The following TSPEAR variants were observed in gnomAD, a reference collection of about 807,000 sequenced individuals.
TSPEAR encodes thrombospondin type laminin G domain and EAR repeats, also known as thrombospondin-type laminin G domain and EAR repeat-containing protein.
Under a neutral mutation model 71.6 loss-of-function variants are expected in TSPEAR, and 69 were observed. The ratio of observed to expected loss-of-function variants is 0.96; its 90% CI spans 0.79 to 1.18. TSPEAR has a LOEUF of 1.18. Ranked by LOEUF, TSPEAR falls within the 50% of genes most tolerant of loss-of-function variation. The pLI is 0.00. For synonymous variants in TSPEAR, 402 were observed against 387.2 expected (o/e 1.04, Z -0.45); for missense variants, 971 against 894.9 (o/e 1.09, Z -1.09).
chr21:44,639,404 C>T lies in TSPEAR; in HGVS notation c.83-71399G>A, dbSNP rs370608570. Among the ~76,000 whole-genome samples the T allele has an allele frequency of 6.3e-4, 96 of 152,340 alleles. 1 individual carries two copies. Among genetic ancestry groups the T allele is most frequent in the African/African-American group, 2.1e-3 (88 of 41,584 alleles). ...CGCCAGCCCCAGCACCAGGACCTCCCGGAGTCCCACCCCACAGAGCTCCCT... is the reference window on the plus strand; with the variant it reads ...CGCCAGCCCCAGCACCAGGACCTCCTGGAGTCCCACCCCACAGAGCTCCCT... On this transcript the variant is annotated intron_variant, in intron 1 of 11. Coordinates refer to ENST00000323084, the MANE Select transcript of TSPEAR (RefSeq NM_144991.3).
intron 2 of TSPEAR, among the ~76,000 whole-genome samples, chr21:44,537,658 G>A (rs1459942056): frequency 2.0e-5 from 3 of 152,126 alleles, no homozygotes; most frequent in African/African-American, 7.2e-5. Flanking sequence ...GGGGCAAAAA[G>A]TTAAATCTAA....
chr21:44,671,672 A>T (rs1418333591), intron 1 of TSPEAR, among the ~76,000 whole-genome samples: 28 of 152,172 alleles, frequency 1.8e-4, no homozygotes, highest in Admixed American at 1.8e-3. Flanking sequence ...CCAACCAGCC[A>T]CCGCCATAGA....
At chr21:44,666,727 C>T (rs199919416) in intron 1 of TSPEAR, 22 of 1,613,746 alleles carry the variant, frequency 1.4e-5, no homozygotes, top group African/African-American at 6.7e-5. Context: ...GGCAGGCACA[C>T]GGCTGGCTTG....
intron 1 of TSPEAR, among the ~76,000 whole-genome samples, chr21:44,640,424 T>C (rs1555938317): frequency 2.0e-5 from 3 of 152,030 alleles, no homozygotes; most frequent in Non-Finnish European, 2.9e-5. Context: ...ATGGGTGTGG[T>C]TTTTGGAGTG....
At chr21:44,551,439 G>A in intron 2 of TSPEAR, 1 of 1,612,282 alleles carries the variant, frequency 6.2e-7, no homozygotes, top group South Asian at 1.1e-5. Flanking sequence ...GGAGCAGATG[G>A]ACATGGTGGA....
At chr21:44,509,097 C>G (rs2052281881) in intron 10 of TSPEAR, 102 bp downstream of exon 10, 1 of 1,419,784 alleles carries the variant, frequency 7.0e-7, no homozygotes, top group African/African-American at 1.4e-5. Flanking sequence ...CCAGGCCAGT[C>G]TTTCCACGGG....
intron 6 of TSPEAR, 82 bp downstream of exon 6, chr21:44,528,370 C>A (rs1291697367): frequency 1.3e-6 from 2 of 1,582,710 alleles, no homozygotes; most frequent in African/African-American, 2.7e-5. Flanking sequence ...GCTGAGGTGC[C>A]CCCTCTCCTA....
intron 1 of TSPEAR, among the ~76,000 whole-genome samples, chr21:44,570,319 G>A (rs2053774678): frequency 6.6e-6 from 1 of 152,266 alleles, no homozygotes. Context: ...CACGCCTGCA[G>A]TGTTGTGTGC....
intron 1 of TSPEAR, among the ~76,000 whole-genome samples, chr21:44,645,171 C>T (rs1360299863): frequency 6.6e-6 from 1 of 152,158 alleles, no homozygotes; most frequent in Non-Finnish European, 1.5e-5. Flanking sequence ...TGAAAAAGTA[C>T]TTGATCTTTC....
intron 1 of TSPEAR, among the ~76,000 whole-genome samples, chr21:44,658,913 C>T (rs1985330507): frequency 6.6e-6 from 1 of 152,084 alleles, no homozygotes; most frequent in Non-Finnish European, 1.5e-5. Context: ...AGAAATAGTC[C>T]TGGGCCCCAG....
At position 44,540,235 on chromosome 21, in the gene TSPEAR, A is replaced by T. The variant is rs868981262; in HGVS notation, c.304-6312T>A. 4.5e-6 allele frequency: 7 copies of T among 1,562,258 alleles called. No homozygotes were observed. In the African/African-American group the frequency reaches 6.8e-5, roughly 15 times the overall value. On this transcript the variant is annotated intron_variant, in intron 2 of 11. Transcript: ENST00000323084. ...GTGTGTGTGAGTGACTGAGTGTGTG[A>T]GTGAGTGTGTGAGCTTCGTGGGGCT...
At chr21:44,563,696 A>G (rs1264490289) in intron 2 of TSPEAR, among the ~76,000 whole-genome samples, 2 of 152,200 alleles carry the variant, frequency 1.3e-5, no homozygotes, top group African/African-American at 4.8e-5. Context: ...AGTAGTAATT[A>G]CATAAAGTCA....
At chr21:44,558,633 T>G in intron 2 of TSPEAR, 1 of 1,612,724 alleles carries the variant, frequency 6.2e-7, no homozygotes, top group Non-Finnish European at 8.5e-7. Context: ...GCAGGGGGGC[T>G]CACAGCAGCT....
chr21:44,521,843 G>T, intron 9 of TSPEAR, 40 bp downstream of exon 9: 3 of 1,576,186 alleles, frequency 1.9e-6, no homozygotes, highest in Non-Finnish European at 2.6e-6. Context: ...AGACGCAGTG[G>T]CCAGCAATGG....
chr21:44,697,341 G>T (rs564420923), intron 1 of TSPEAR: 6 of 1,613,158 alleles, frequency 3.7e-6, no homozygotes, highest in East Asian at 4.5e-5. Flanking sequence ...CCGGCCCCCT[G>T]CCTGAGCCTG....
In TSPEAR at chr21:44,525,672, C is replaced by T. The variant is rs782043381; in HGVS notation, c.1317G>A (p.Ala439=). The T allele has an allele frequency of 2.5e-5, 41 of 1,613,848 alleles. No individual in the cohort carries two copies. In the Middle Eastern group the frequency reaches 4.9e-4, roughly 19 times the overall value. ...AFEVDGEHFL[A]VANHREGDNH... is the part of the protein sequence containing the mutation. The stretch of plus-strand genomic sequence containing the variant: ...CCCTACCTTCCCGGTGGTTGGCCAC[C>T]GCCAGGAAGTGCTCCCCATCCACCT... Residue 439 remains alanine (A), a synonymous_variant, in exon 8 of 12, where the codon GCG becomes GCA. Transcript: ENST00000323084.
intron 1 of TSPEAR, among the ~76,000 whole-genome samples, chr21:44,696,620 G>T (rs185476884): frequency 6.6e-6 from 1 of 152,194 alleles, no homozygotes; most frequent in Non-Finnish European, 1.5e-5. Context: ...ATTGGTCTAC[G>T]GATTCAAGAT....
chr21:44,657,124 C>T (rs1437581720), intron 1 of TSPEAR, among the ~76,000 whole-genome samples: 1 of 152,110 alleles, frequency 6.6e-6, no homozygotes, highest in Non-Finnish European at 1.5e-5. Flanking sequence ...ACAGACGCCC[C>T]CCAGACCACC....
At chr21:44,609,962 G>C (rs183709969) in intron 1 of TSPEAR, among the ~76,000 whole-genome samples, 1 of 152,146 alleles carries the variant, frequency 6.6e-6, no homozygotes, top group East Asian at 1.9e-4. Flanking sequence ...AATTGAAAAT[G>C]CAAGAAATAA....
Sources: allele counts gnomAD v4.1 joint callset (sites outside exome capture counted in the v4.1 genomes callset), GRCh38; gene constraint gnomAD v4.1.1; transcripts MANE v1.5; gene names NCBI Gene and HGNC (gene_info 2026-07-23, HGNC 2026-07-21).